The following IRF2 variants were observed in gnomAD, a reference collection of about 807,000 sequenced individuals.
The protein encoded by IRF2 is interferon regulatory factor 2.
Under a neutral mutation model 40.6 loss-of-function variants are expected in IRF2, and 15 were observed. The ratio of observed to expected loss-of-function variants is 0.37; its 90% CI spans 0.25 to 0.57. The LOEUF is 0.57. Ranked by LOEUF, IRF2 falls within the 20% of genes least tolerant of loss-of-function variation. The pLI, the probability that IRF2 is intolerant of heterozygous loss-of-function variation, is 0.77. For missense variants in IRF2, 317 were observed against 455.7 expected, an observed-to-expected ratio of 0.70 and a Z score of 2.77; for synonymous variants, 151 against 165.5, an observed-to-expected ratio of 0.91 and a Z score of 0.67.
chr4:184,450,008 G>C (rs979083775), intron 1 of IRF2, among the ~76,000 whole-genome samples: 1 of 152,178 alleles, frequency 6.6e-6, no homozygotes, highest in Admixed American at 6.5e-5. Flanking sequence ...CAGGCTCACC[G>C]TCTTCTATTC....
At chr4:184,392,992 C>T (rs764541053) in intron 7 of IRF2, among the ~76,000 whole-genome samples, 3 of 152,122 alleles carry the variant, frequency 2.0e-5, no homozygotes, top group East Asian at 3.9e-4. Flanking sequence ...GATGAGCTGA[C>T]GTTGCCGAGC....
chr4:184,425,357 T>C (rs1169521163), intron 2 of IRF2, among the ~76,000 whole-genome samples: 2 of 152,168 alleles, frequency 1.3e-5, no homozygotes, highest in African/African-American at 4.8e-5. Flanking sequence ...TGTGGGAGTG[T>C]AGGTATGGAG....
intron 1 of IRF2, among the ~76,000 whole-genome samples, chr4:184,442,898 G>T (rs2149909824): frequency 6.9e-6 from 1 of 145,320 alleles, no homozygotes; most frequent in Non-Finnish European, 1.5e-5. Context: ...GTGGGGGTGG[G>T]GGTGGTGGGG....
chr4:184,445,654 C>CAAAA (rs386683242), intron 1 of IRF2, among the ~76,000 whole-genome samples: 452 of 120,838 alleles, frequency 3.7e-3, no homozygotes, highest in Non-Finnish European at 5.7e-3. Flanking sequence ...GACTCCATCA[C>CAAAA]AAAAAAAAAA....
At chr4:184,390,365 G>A (rs1736212925) in intron 8 of IRF2, among the ~76,000 whole-genome samples, 1 of 152,196 alleles carries the variant, frequency 6.6e-6, no homozygotes, top group South Asian at 2.1e-4. Flanking sequence ...TGGCTGGGAA[G>A]GCTGCTCTAT....
chr4:184,396,267 G>A (rs1736450899), intron 7 of IRF2, among the ~76,000 whole-genome samples: 1 of 152,106 alleles, frequency 6.6e-6, no homozygotes, highest in Admixed American at 6.5e-5. Context: ...GCTGTGTTCT[G>A]AACGGCAGAG....
At chr4:184,415,571 A>G (rs1198688456) in intron 5 of IRF2, among the ~76,000 whole-genome samples, 3 of 152,216 alleles carry the variant, frequency 2.0e-5, no homozygotes, top group Non-Finnish European at 4.4e-5. Flanking sequence ...ATGCCTTTCA[A>G]TCCATTACGT....
rs145459977 is a variant in IRF2, at chr4:184,435,593, A to G, written c.-6-6523T>C. Among the ~76,000 whole-genome samples, 43 of 152,346 alleles carry G rather than the reference A, an allele frequency of 2.8e-4. 1 individual carries two copies. The highest frequency in any genetic ancestry group is 9.9e-4 in the African/African-American group (41 of 41,578). Reference sequence around the variant, plus strand: ...GGGGGGCAAGATCTAGGAGAAAAAGAAACCCAGGAAGGTGAACCTGACATT... The same window carrying G: ...GGGGGGCAAGATCTAGGAGAAAAAGGAACCCAGGAAGGTGAACCTGACATT... On this transcript the variant is annotated intron_variant, in intron 1 of 8. Transcript: ENST00000393593.
In IRF2 at chr4:184,408,499, C is replaced by T. The variant is rs914310637; in HGVS notation, c.412-224G>A. ...CTCCTTCCATTTTCCTTCAAGGAAA[C>T]GGTACCGGCCCATCTGGCTTGCCTT... On this transcript the variant is annotated intron_variant, in intron 5 of 8. Coordinates refer to ENST00000393593, the MANE Select transcript of IRF2 (RefSeq NM_002199.4). This position sits in a 1 kb window ranked among gnomAD's most constrained non-coding sequence, Gnocchi z 4.9. 7.9e-5 allele frequency among the ~76,000 whole-genome samples: 12 copies of T among 152,172 alleles called. No individual in the cohort carries two copies. Among genetic ancestry groups the T allele is most frequent in the South Asian group, 6.2e-4 (3 of 4,828 alleles).
chr4:184,391,232 G>T (rs1426753264), intron 7 of IRF2, among the ~76,000 whole-genome samples: 1 of 152,230 alleles, frequency 6.6e-6, no homozygotes, highest in Non-Finnish European at 1.5e-5. Flanking sequence ...TGCCATGTGG[G>T]TTACTGTAGG....
At chr4:184,407,826 T>C (rs1736914697) in intron 6 of IRF2, among the ~76,000 whole-genome samples, 1 of 152,200 alleles carries the variant, frequency 6.6e-6, no homozygotes, top group South Asian at 2.1e-4. Context: ...TCCCTCTCCT[T>C]GGTTCCCGAG....
chr4:184,439,082 T>C (rs781760508), intron 1 of IRF2, among the ~76,000 whole-genome samples: 11 of 152,208 alleles, frequency 7.2e-5, no homozygotes, highest in Non-Finnish European at 1.3e-4. Flanking sequence ...TTTTATGTTT[T>C]GTTGAACTTT....
intron 1 of IRF2, among the ~76,000 whole-genome samples, chr4:184,439,498 T>C (rs1228323781): frequency 1.3e-5 from 2 of 152,142 alleles, no homozygotes; most frequent in Non-Finnish European, 2.9e-5. Flanking sequence ...AGATTCCAGA[T>C]GTTTAATAAA....
At chr4:184,469,847 G>A (rs938815212) in intron 1 of IRF2, among the ~76,000 whole-genome samples, 2 of 152,144 alleles carry the variant, frequency 1.3e-5, no homozygotes, top group Non-Finnish European at 2.9e-5. Context: ...AGCCTCAGAC[G>A]GAGTCCCAGG....
chr4:184,473,673 C>T (rs1408791717), intron 1 of IRF2, among the ~76,000 whole-genome samples: 1 of 149,104 alleles, frequency 6.7e-6, no homozygotes, highest in Non-Finnish European at 1.5e-5. Flanking sequence ...CCGCTGGCAC[C>T]CGACGCCCGC....
intron 7 of IRF2, among the ~76,000 whole-genome samples, chr4:184,395,779 C>T (rs1040742859): frequency 2.0e-5 from 3 of 152,254 alleles, no homozygotes; most frequent in African/African-American, 7.2e-5. Flanking sequence ...AAGCCAGGCT[C>T]CAGCAAAACC....
chr4:184,417,824 A>G (rs923561394), intron 5 of IRF2, among the ~76,000 whole-genome samples: 4 of 149,160 alleles, frequency 2.7e-5, no homozygotes, highest in Non-Finnish European at 6.0e-5. Context: ...GCCTGAAAAT[A>G]TACTTAATAG....
intron 5 of IRF2, among the ~76,000 whole-genome samples, chr4:184,417,552 C>A (rs1457764421): frequency 6.6e-6 from 1 of 152,164 alleles, no homozygotes; most frequent in Non-Finnish European, 1.5e-5. Context: ...GCATAAAGAT[C>A]CTCAGACTGT....
At chr4:184,438,115 C>T (rs992696177) in intron 1 of IRF2, among the ~76,000 whole-genome samples, 1 of 152,166 alleles carries the variant, frequency 6.6e-6, no homozygotes, top group African/African-American at 2.4e-5. Context: ...AGCCCAAATG[C>T]CTTTCATGCG....
Sources: allele counts gnomAD v4.1 joint callset (sites outside exome capture counted in the v4.1 genomes callset), GRCh38; gene constraint gnomAD v4.1.1; non-coding constraint Gnocchi (gnomAD v3.1); transcripts MANE v1.5; gene names NCBI Gene and HGNC (gene_info 2026-07-23, HGNC 2026-07-21).